The following FSIP1 variants were observed in gnomAD, a reference collection of about 807,000 sequenced individuals.
FSIP1 encodes the protein fibrous sheath-interacting protein 1.
In FSIP1, 65 loss-of-function variants were observed where a neutral mutation model predicts 60.9. The ratio of observed to expected loss-of-function variants is 1.07; its 90% CI spans 0.87 to 1.31. The LOEUF (loss-of-function observed/expected upper bound fraction) is 1.31. FSIP1 is among the 40% of genes most tolerant of loss of function. FSIP1 has a pLI of 0.00. For synonymous variants in FSIP1, 209 were observed against 221.2 expected (o/e 0.94, Z 0.49); for missense variants, 675 against 665.5 (o/e 1.01, Z -0.16).
intron 5 of FSIP1, among the ~76,000 whole-genome samples, chr15:39,743,435 GA>G (rs11417887): frequency 1.1e-4 from 16 of 146,842 alleles, no homozygotes; most frequent in African/African-American, 1.7e-4. Context: ...ACCCTTGGAG[GA>G]AAAAAAAAAC....
chr15:39,624,467 G>A (rs1043694807), intron 10 of FSIP1, among the ~76,000 whole-genome samples: 23 of 152,308 alleles, frequency 1.5e-4, no homozygotes, highest in African/African-American at 5.3e-4. Context: ...CAGCACTATC[G>A]AGTCTGAATG....
intron 10 of FSIP1, among the ~76,000 whole-genome samples, chr15:39,635,266 C>T (rs113507686): frequency 0.011 from 1,738 of 151,492 alleles, 41 homozygotes; most frequent in African/African-American, 0.04. Flanking sequence ...ACCAGGGAGT[C>T]GGAGGTTGCA....
At chr15:39,765,887 A>G (rs34185057) in intron 3 of FSIP1, 141 bp from the exon 4 acceptor site, 145,802 of 479,968 alleles carry the variant, frequency 0.3, 25,799 homozygotes, top group Non-Finnish European at 0.38. Flanking sequence ...ATGTATCTCA[A>G]TTTACAAGGT....
At chr15:39,742,249 C>T (rs1003772998) in intron 5 of FSIP1, among the ~76,000 whole-genome samples, 1 of 152,180 alleles carries the variant, frequency 6.6e-6, no homozygotes, top group African/African-American at 2.4e-5. Context: ...AATATGCATA[C>T]TGAGTAACTA....
At chr15:39,763,155 C>T (rs559699750) in intron 5 of FSIP1, among the ~76,000 whole-genome samples, 3 of 152,072 alleles carry the variant, frequency 2.0e-5, no homozygotes, top group South Asian at 2.1e-4. Flanking sequence ...GTGTTACCTC[C>T]GTAACGAAAC....
intron 10 of FSIP1, among the ~76,000 whole-genome samples, chr15:39,636,461 G>C (rs902304602): frequency 2.6e-5 from 4 of 152,156 alleles, no homozygotes; most frequent in African/African-American, 7.2e-5. Flanking sequence ...ACACATCTGG[G>C]AGTAGGGCAG....
intron 10 of FSIP1, among the ~76,000 whole-genome samples, chr15:39,674,257 T>C (rs1893845377): frequency 1.3e-5 from 2 of 152,144 alleles, no homozygotes; most frequent in Admixed American, 1.3e-4. Context: ...GGTTTCACCG[T>C]GTTAGCCAGG....
intron 5 of FSIP1, among the ~76,000 whole-genome samples, chr15:39,751,318 C>T (rs1252039466): frequency 6.6e-6 from 1 of 151,728 alleles, no homozygotes; most frequent in Non-Finnish European, 1.5e-5. Flanking sequence ...AAGACATCTG[C>T]ACTCCCATGT....
At chr15:39,773,129 T>TATTA (rs1237332897) in intron 2 of FSIP1, among the ~76,000 whole-genome samples, 1 of 152,152 alleles carries the variant, frequency 6.6e-6, no homozygotes, top group Admixed American at 6.5e-5. Flanking sequence ...AAAACACTAA[T>TATTA]ATTTTAAGCT....
chr15:39,606,274 T>C (rs1566848383), intron 11 of FSIP1, among the ~76,000 whole-genome samples: 1 of 152,210 alleles, frequency 6.6e-6, no homozygotes, highest in Non-Finnish European at 1.5e-5. Context: ...TAGTTTTCAT[T>C]TAGGGGTATT....
chr15:39,631,508 T>C (rs1891887805), intron 10 of FSIP1, among the ~76,000 whole-genome samples: 1 of 152,196 alleles, frequency 6.6e-6, no homozygotes, highest in Non-Finnish European at 1.5e-5. Flanking sequence ...CATATCACCC[T>C]GTATAGGCAA....
At chr15:39,736,599 G>A (rs1906161) in intron 8 of FSIP1, among the ~76,000 whole-genome samples, 2,587 of 152,274 alleles carry the variant, frequency 0.017, 82 homozygotes, top group African/African-American at 0.06. Context: ...CCCACTGGAC[G>A]GGCACACCCT....
At chr15:39,660,224 G>C (rs941917599) in intron 10 of FSIP1, among the ~76,000 whole-genome samples, 1 of 152,238 alleles carries the variant, frequency 6.6e-6, no homozygotes, top group African/African-American at 2.4e-5. Flanking sequence ...GGTGAGGCTA[G>C]AGAGGGTGAA....
chr15:39,641,671 GAGTCATA>G (rs3987770), intron 10 of FSIP1, among the ~76,000 whole-genome samples: 22,630 of 152,006 alleles, frequency 0.15, 1,876 homozygotes, highest in East Asian at 0.32. Flanking sequence ...CATGAACTAT[GAGTCATA>G]GCTTCAAGTC....
At chr15:39,664,832 C>T (rs1158011797) in intron 10 of FSIP1, among the ~76,000 whole-genome samples, 1 of 152,162 alleles carries the variant, frequency 6.6e-6, no homozygotes, top group Non-Finnish European at 1.5e-5. Context: ...AAAGACCCAT[C>T]CTAGGGAAGA....
intron 10 of FSIP1, among the ~76,000 whole-genome samples, chr15:39,662,835 A>G (rs1246299481): frequency 6.6e-6 from 1 of 152,158 alleles, no homozygotes; most frequent in East Asian, 1.9e-4. Flanking sequence ...AAAGGCAAAC[A>G]ATTCACTTCT....
chr15:39,620,135 G>T (rs1351675608), intron 10 of FSIP1, among the ~76,000 whole-genome samples: 1 of 152,094 alleles, frequency 6.6e-6, no homozygotes, highest in African/African-American at 2.4e-5. Flanking sequence ...AAGAAACTAA[G>T]ATAATTATGA....
intron 10 of FSIP1, among the ~76,000 whole-genome samples, chr15:39,712,170 G>T (rs16969672): frequency 8.5e-6 from 1 of 116,998 alleles, no homozygotes; most frequent in Admixed American, 7.6e-5. Context: ...TCTCATTAGG[G>T]GGCCTGAGCT....
intron 11 of FSIP1, among the ~76,000 whole-genome samples, chr15:39,609,496 A>G (rs545672987): frequency 1.3e-5 from 2 of 151,820 alleles, no homozygotes; most frequent in Non-Finnish European, 2.9e-5. Context: ...CAATGAATGA[A>G]TATCTATGGA....
Sources: allele counts gnomAD v4.1 joint callset (sites outside exome capture counted in the v4.1 genomes callset), GRCh38; gene constraint gnomAD v4.1.1; transcripts MANE v1.5; gene names NCBI Gene and HGNC (gene_info 2026-07-23, HGNC 2026-07-21).